GPC1: variants seen among roughly 807,000 people sequenced by gnomAD.
GPC1 encodes the protein glypican 1.
A neutral mutation model predicts 51.5 loss-of-function variants in GPC1; 26 were observed. The ratio of observed to expected loss-of-function variants is 0.50; its 90% CI spans 0.37 to 0.70. The LOEUF (loss-of-function observed/expected upper bound fraction) is 0.70. GPC1 is among the 30% of genes least tolerant of loss of function. The pLI is 0.00. For synonymous variants in GPC1, 380 were observed against 348.3 expected (o/e 1.09, Z -1.01); for missense variants, 775 against 800.5 (o/e 0.97, Z 0.38).
chr2:240,453,859 C>T (rs1398893792), intron 1 of GPC1, among the ~76,000 whole-genome samples: 1 of 152,108 alleles, frequency 6.6e-6, no homozygotes, highest in Non-Finnish European at 1.5e-5. Context: ...GCCTTTGTTC[C>T]GCCGCCGGGG....
At chr2:240,466,023 G>A (rs2151797659) in intron 8 of GPC1, 35 bp from the exon 9 acceptor site, 2 of 1,410,974 alleles carry the variant, frequency 1.4e-6, no homozygotes, top group Non-Finnish European at 2.0e-6. Context: ...GTCTCCTGTG[G>A]GGACCTGCCT....
At chr2:240,447,590 G>A (rs1424765267) in intron 1 of GPC1, among the ~76,000 whole-genome samples, 5 of 152,338 alleles carry the variant, frequency 3.3e-5, no homozygotes, top group South Asian at 2.1e-4. Context: ...GATCATGGCC[G>A]TTCCTGGTGG....
chr2:240,463,502 G>A lies in GPC1; in HGVS notation c.873G>A (p.Arg291=), dbSNP rs1287619511. The change falls in exon 4 of 9, where the codon AGG becomes AGA. Residue 291 remains arginine, a synonymous_variant. Coordinates refer to ENST00000264039, the MANE Select transcript of GPC1 (RefSeq NM_002081.3). ...ANQADLDAEW[R]NLLDSMVLIT... is the part of the protein sequence containing the mutation. ...AGGCCGACCTGGACGCCGAGTGGAGGAACCTCCTGGGTGAGCCCCCACCCG... is the reference window on the plus strand; with the variant it reads ...AGGCCGACCTGGACGCCGAGTGGAGAAACCTCCTGGGTGAGCCCCCACCCG... The A allele has an allele frequency of 3.7e-6, 6 of 1,612,670 alleles. No individual in the cohort carries two copies. The highest frequency in any genetic ancestry group is 5.1e-6 in the Non-Finnish European group (6 of 1,179,894).
chr2:240,438,337 G>A (rs1170854306), intron 1 of GPC1, among the ~76,000 whole-genome samples: 1 of 152,206 alleles, frequency 6.6e-6, no homozygotes, highest in Non-Finnish European at 1.5e-5. Flanking sequence ...GTGGGCTGAG[G>A]GAAACAGGGT....
At position 240,454,358 on chromosome 2, in the gene GPC1, C is replaced by G. The variant is rs1356194709; in HGVS notation, c.167-4672C>G. Among the ~76,000 whole-genome samples the G allele has an allele frequency of 3.9e-5, 6 of 152,292 alleles. No homozygotes were observed. In the South Asian group the frequency reaches 1.2e-3, roughly 32 times the overall value. ...GGTCGTTTGTCCAGTGCACCCTCAC[C>G]CCAGGAGGCTGCTGGACGTGCCGGA... is the stretch of plus-strand genomic sequence containing the variant. On this transcript the variant is annotated intron_variant, in intron 1 of 8. Transcript: ENST00000264039.
intron 1 of GPC1, among the ~76,000 whole-genome samples, chr2:240,438,607 G>A (rs574185658): frequency 6.6e-6 from 1 of 152,340 alleles, no homozygotes; most frequent in Admixed American, 6.5e-5. Flanking sequence ...CCCGGAGCAG[G>A]TGGGGTAGAG....
chr2:240,454,021 G>GAGGGGCTCCTTGGCGACGC (rs1273812590), intron 1 of GPC1, among the ~76,000 whole-genome samples: 3 of 152,144 alleles, frequency 2.0e-5, no homozygotes. Context: ...TGCGGCGGCG[G>GAGGGGCTCCTTGGCGACGC]AGGGGCTCCT....
At chr2:240,447,332 C>T (rs1191038868) in intron 1 of GPC1, among the ~76,000 whole-genome samples, 2 of 152,206 alleles carry the variant, frequency 1.3e-5, no homozygotes, top group South Asian at 2.1e-4. Flanking sequence ...GTACTCCCTC[C>T]GGGGCCTCTG....
At chr2:240,451,270 G>A (rs758237507) in intron 1 of GPC1, 4 of 470,868 alleles carry the variant, frequency 8.5e-6, no homozygotes, top group African/African-American at 8.0e-5. Context: ...ACGGGCCTGC[G>A]CGGCGTCTTT....
rs922406736 is a variant in GPC1, at chr2:240,466,866, G to C, written c.*576G>C. The C allele has an allele frequency of 1.3e-5, 2 of 153,014 alleles. No individual in the cohort carries two copies. The highest frequency in any genetic ancestry group is 2.9e-5 in the Non-Finnish European group (2 of 68,620). The allele number at this position is 153,014 out of a possible 1,614,324, so 9.5% of individuals were successfully genotyped here. On this transcript the variant is annotated 3_prime_UTR_variant, in exon 9 of 9. Transcript: ENST00000264039. ...GGCCCCACCTCCCTGCGCCCTTGAG[G>C]GGCCCCAGCGTCTGCAGGGTGACGC... is the stretch of plus-strand genomic sequence containing the variant.
chr2:240,437,391 C>G (rs1246634393), intron 1 of GPC1, among the ~76,000 whole-genome samples: 1 of 151,840 alleles, frequency 6.6e-6, no homozygotes, highest in African/African-American at 2.4e-5. Flanking sequence ...GGCCCCCTGA[C>G]CGCCCCCCAC....
At chr2:240,462,866 G>C (rs999552122) in intron 3 of GPC1, among the ~76,000 whole-genome samples, 2 of 152,156 alleles carry the variant, frequency 1.3e-5, no homozygotes, top group African/African-American at 4.8e-5. Context: ...GCTGGGGCTG[G>C]ACGCTGAGCC....
intron 1 of GPC1, among the ~76,000 whole-genome samples, chr2:240,443,705 G>A (rs778665687): frequency 2.0e-5 from 3 of 152,206 alleles, no homozygotes; most frequent in South Asian, 2.1e-4. Flanking sequence ...TTGATGGGGC[G>A]CAGCCGGTGG....
Position 240,435,760 on chromosome 2 carries a change from C to T in GPC1, c.-159C>T, listed in dbSNP as rs2151783545. ...CGCCCCGCGCCGCCGCCGCCGCCGG[C>T]TTTTGTTGTCTCCGCCTCCTCGGCC... On this transcript the variant is annotated 5_prime_UTR_variant, in exon 1 of 9. Transcript: ENST00000264039. 5 of 370,034 alleles carry T rather than the reference C, an allele frequency of 1.4e-5. No homozygotes were observed. Among genetic ancestry groups the T allele is most frequent in the South Asian group, 1.2e-4 (1 of 8,386 alleles). The allele number at this position is 370,034 out of a possible 1,614,324, so 22.9% of individuals were successfully genotyped here.
rs1268467805 is a variant in GPC1 at position 240,466,891 on chromosome 2, C to T, written c.*601C>T. 1 of 152,876 alleles carries T rather than the reference C, an allele frequency of 6.5e-6. No homozygotes were observed. The highest frequency in any genetic ancestry group is 2.4e-5 in the African/African-American group (1 of 41,590). 9.5% of individuals were successfully genotyped at this position (152,876 alleles called of 1,614,324 possible). A position where few individuals can be genotyped will look rare whatever the true frequency, so the allele number is the denominator to read the frequency against. On this transcript the variant is annotated 3_prime_UTR_variant, in exon 9 of 9. Coordinates refer to ENST00000264039, the MANE Select transcript of GPC1 (RefSeq NM_002081.3). Reference sequence around the variant, plus strand: ...GGGCCCCAGCGTCTGCAGGGTGACGCCTGAGACAGCACCACTGCTGAGGAG... The same window carrying T: ...GGGCCCCAGCGTCTGCAGGGTGACGTCTGAGACAGCACCACTGCTGAGGAG...
At chr2:240,465,038 G>GGGCC (rs748559163) in intron 6 of GPC1, 39 bp from the exon 7 acceptor site, 50 of 1,581,180 alleles carry the variant, frequency 3.2e-5, no homozygotes, top group Non-Finnish European at 4.3e-5. Flanking sequence ...AGAGGCGGGC[G>GGGCC]GGCCCTGGCA....
chr2:240,448,851 G>C lies in GPC1; in HGVS notation c.167-10179G>C, dbSNP rs535447514. Among the ~76,000 whole-genome samples, 1 of 152,272 alleles carries C rather than the reference G, an allele frequency of 6.6e-6. No homozygotes were observed. The highest frequency in any genetic ancestry group is 1.9e-4 in the East Asian group (1 of 5,174). ...CCAGCAATGGGATAGTCAGGCCAGCGAGGGTGGCCAGGCCTGACCCTAGTT... is the reference window on the plus strand; with the variant it reads ...CCAGCAATGGGATAGTCAGGCCAGCCAGGGTGGCCAGGCCTGACCCTAGTT... On this transcript the variant is annotated intron_variant, in intron 1 of 8. Coordinates refer to ENST00000264039, the MANE Select transcript of GPC1 (RefSeq NM_002081.3). The surrounding 1 kb of genome is among the most constrained non-coding windows in gnomAD (Gnocchi z 4.5).
intron 1 of GPC1, among the ~76,000 whole-genome samples, chr2:240,457,140 C>T (rs1007719857): frequency 2.6e-5 from 4 of 152,150 alleles, no homozygotes; most frequent in East Asian, 1.9e-4. Context: ...GCAGCCCCTG[C>T]GGAGGACTCC....
chr2:240,449,554 A>G, intron 1 of GPC1: 1 of 241,756 alleles, frequency 4.1e-6, no homozygotes, highest in South Asian at 5.6e-5. Flanking sequence ...CAAAATATGC[A>G]TAACAAAATT....
Sources: allele counts gnomAD v4.1 joint callset (sites outside exome capture counted in the v4.1 genomes callset), GRCh38; gene constraint gnomAD v4.1.1; non-coding constraint Gnocchi (gnomAD v3.1); transcripts MANE v1.5; gene names NCBI Gene and HGNC (gene_info 2026-07-23, HGNC 2026-07-21).